Variants in WWC2 observed in about 807,000 individuals in gnomAD.
The protein encoded by WWC2 is WW and C2 domain containing 2.
In WWC2, 101 loss-of-function variants were observed where a neutral mutation model predicts 138.5. The observed-to-expected ratio is 0.73, with a 90% CI of 0.62 to 0.86. The LOEUF (loss-of-function observed/expected upper bound fraction) is 0.86. WWC2 is among the 40% of genes least tolerant of loss of function. The pLI is 0.00. For synonymous variants in WWC2, 558 were observed against 538.4 expected, an observed-to-expected ratio of 1.04 and a Z score of -0.50; for missense variants, 1,420 against 1,419.4, an observed-to-expected ratio of 1.00 and a Z score of -0.01.
intron 1 of WWC2, among the ~76,000 whole-genome samples, chr4:183,121,999 A>G (rs1007572421): frequency 6.6e-6 from 1 of 152,020 alleles, no homozygotes; most frequent in Non-Finnish European, 1.5e-5. Flanking sequence ...GTTAGCCAGG[A>G]TGGTCTCGAT....
chr4:183,239,967 G>A (rs949474480), intron 4 of WWC2, among the ~76,000 whole-genome samples: 1 of 152,158 alleles, frequency 6.6e-6, no homozygotes, highest in Non-Finnish European at 1.5e-5. Flanking sequence ...GGTAATGAAG[G>A]TAAATAGTAG....
intron 15 of WWC2, chr4:183,269,755 A>C: frequency 4.0e-6 from 1 of 247,596 alleles, no homozygotes; most frequent in Non-Finnish European, 8.3e-6. Flanking sequence ...ATTCTCCTCC[A>C]CCACAGTATT....
intron 21 of WWC2, among the ~76,000 whole-genome samples, chr4:183,301,258 G>A (rs1007725623): frequency 6.6e-6 from 1 of 152,122 alleles, no homozygotes; most frequent in Non-Finnish European, 1.5e-5. Context: ...ATTTACTAAA[G>A]ATAGGACTTC....
In WWC2 at chr4:183,316,822, G is replaced by A. The variant is rs1352535390; in HGVS notation, c.*1093G>A. Reference sequence around the variant, plus strand: ...ATCTATAATTTATGGTAAATAGTTGGGAGGCAAAGGGAAGAATGTGTGTGG... The same window carrying A: ...ATCTATAATTTATGGTAAATAGTTGAGAGGCAAAGGGAAGAATGTGTGTGG... On this transcript the variant is annotated 3_prime_UTR_variant, in exon 23 of 23. Coordinates refer to ENST00000403733, the MANE Select transcript of WWC2 (RefSeq NM_024949.6). 6.6e-6 allele frequency: 1 copy of A among 152,140 alleles called. No individual in the cohort carries two copies. Among genetic ancestry groups the A allele is most frequent in the Non-Finnish European group, 1.5e-5 (1 of 68,044 alleles). 9.4% of individuals were successfully genotyped at this position (152,140 alleles called of 1,614,324 possible).
At chr4:183,204,152 A>G (rs1735380996) in intron 2 of WWC2, among the ~76,000 whole-genome samples, 1 of 152,218 alleles carries the variant, frequency 6.6e-6, no homozygotes, top group South Asian at 2.1e-4. Context: ...TGGTGGCTCT[A>G]AAGTACAATT....
Position 183,261,140 on chromosome 4 carries a change from A to G in WWC2, c.1517A>G (p.His506Arg). The G allele has an allele frequency of 3.1e-6, 5 of 1,613,998 alleles. No individual in the cohort carries two copies. The highest frequency in any genetic ancestry group is 4.2e-6 in the Non-Finnish European group (5 of 1,179,880). Residue 506 changes from histidine (H) to arginine (R), a missense_variant, in exon 11 of 23, where the codon CAT (histidine) becomes CGT (arginine). Physicochemically the swap from His to Arg is conservative, Grantham distance 29. Transcript: ENST00000403733. The stretch of plus-strand genomic sequence containing the variant: ...CCTTCTGGACCCATCACCACCATCC[A>G]TGAAAACGAGGTGGTCAAGTCCCCT... ...YIPSGPITTI[H>R]ENEVVKSPSQ...
chr4:183,272,852 C>T (rs1410606773), intron 16 of WWC2, among the ~76,000 whole-genome samples: 1 of 152,180 alleles, frequency 6.6e-6, no homozygotes. Context: ...TGTCCGTCAG[C>T]TGATGGGCAT....
chr4:183,289,344 C>G, intron 20 of WWC2, 49 bp from the exon 21 acceptor site: 2 of 1,582,966 alleles, frequency 1.3e-6, no homozygotes, highest in South Asian at 1.2e-5. Context: ...GTGGGGTAAC[C>G]ACTGCCTGTA....
intron 2 of WWC2, among the ~76,000 whole-genome samples, chr4:183,204,117 CAA>C (rs988504407): frequency 3.2e-4 from 49 of 152,278 alleles, no homozygotes; most frequent in African/African-American, 1.1e-3. Flanking sequence ...TTTATTTCTG[CAA>C]AGTCTCTGAC....
intron 16 of WWC2, among the ~76,000 whole-genome samples, chr4:183,277,182 C>T (rs929165936): frequency 2.7e-5 from 4 of 145,522 alleles, no homozygotes; most frequent in African/African-American, 7.6e-5. Flanking sequence ...TTCCTGTGTC[C>T]GTGTGATCTC....
chr4:183,204,878 T>A (rs893978231), intron 2 of WWC2, among the ~76,000 whole-genome samples: 4 of 152,242 alleles, frequency 2.6e-5, no homozygotes, highest in African/African-American at 9.6e-5. Flanking sequence ...TGGTCTTTTG[T>A]GTCTGGCATC....
intron 1 of WWC2, among the ~76,000 whole-genome samples, chr4:183,119,593 C>T (rs1346061195): frequency 2.0e-5 from 3 of 152,062 alleles, no homozygotes; most frequent in African/African-American, 7.2e-5. Flanking sequence ...TGCACTTTGC[C>T]CATGTATGTT....
chr4:183,250,533 TC>T (rs1441461990), intron 8 of WWC2, among the ~76,000 whole-genome samples: 3 of 152,140 alleles, frequency 2.0e-5, no homozygotes, highest in Non-Finnish European at 4.4e-5. Flanking sequence ...CTCTTCTTAA[TC>T]CCTGTGCTAT....
At chr4:183,228,895 A>G (rs776702870) in intron 4 of WWC2, among the ~76,000 whole-genome samples, 3 of 152,102 alleles carry the variant, frequency 2.0e-5, no homozygotes, top group Admixed American at 6.5e-5. Flanking sequence ...TCATCTAGCA[A>G]TGCAAATCAA....
intron 9 of WWC2, among the ~76,000 whole-genome samples, chr4:183,255,592 G>A (rs947823964): frequency 6.6e-6 from 1 of 152,162 alleles, no homozygotes; most frequent in Non-Finnish European, 1.5e-5. Flanking sequence ...CATCTCAGCT[G>A]TTCTACTTTG....
Position 183,265,987 on chromosome 4 carries a change from T to TA in WWC2, c.2207+39dup, listed in dbSNP as rs1560875671. ...TCAGCGAAGATCAAATTGAGGAACT[T>TA]AAACATTTCCATGTAAGAGAATTTT... On this transcript the variant is annotated intron_variant, in intron 14 of 22. Coordinates refer to ENST00000403733, the MANE Select transcript of WWC2 (RefSeq NM_024949.6). 1.9e-6 allele frequency: 3 copies of TA among 1,551,626 alleles called. No homozygotes were observed. In the Admixed American group the frequency reaches 5.5e-5, roughly 28 times the overall value.
intron 2 of WWC2, among the ~76,000 whole-genome samples, chr4:183,205,555 G>T (rs551245656): frequency 6.6e-6 from 1 of 152,128 alleles, no homozygotes; most frequent in Admixed American, 6.5e-5. Flanking sequence ...TATAAAGTTG[G>T]TTTTGTTGTT....
chr4:183,236,508 C>T (rs1019425715), intron 4 of WWC2, among the ~76,000 whole-genome samples: 4 of 152,154 alleles, frequency 2.6e-5, no homozygotes, highest in Non-Finnish European at 4.4e-5. Flanking sequence ...GAACATTCAG[C>T]GGTCTATGAG....
chr4:183,236,065 T>C (rs1164260182), intron 4 of WWC2, among the ~76,000 whole-genome samples: 2 of 152,228 alleles, frequency 1.3e-5, no homozygotes, highest in African/African-American at 2.4e-5. Context: ...TTCATTCTTC[T>C]GCATATGGAT....
Sources: gnomAD v4.1 joint callset for allele counts (sites outside exome capture counted in the v4.1 genomes callset) on GRCh38, gnomAD v4.1.1 for gene constraint, MANE v1.5 for transcripts, NCBI Gene and HGNC (gene_info 2026-07-23, HGNC 2026-07-21) for gene names.